The following DENND1A variants were observed in gnomAD, a reference collection of about 807,000 sequenced individuals.
The protein encoded by DENND1A is DENN domain containing 1A, also known as DENN domain-containing protein 1A.
Under a neutral mutation model 113.7 loss-of-function variants are expected in DENND1A, and 51 were observed. That is an observed-to-expected ratio of 0.45 (90% CI 0.36 to 0.57). DENND1A has a LOEUF of 0.57. Ranked by LOEUF, DENND1A falls within the 20% of genes least tolerant of loss-of-function variation. The pLI is 0.00. For synonymous variants in DENND1A, 565 were observed against 570.8 expected (o/e 0.99, Z 0.14); for missense variants, 1,258 against 1,395.9 (o/e 0.90, Z 1.57).
Position 123,652,066 on chromosome 9 carries a change from C to A in DENND1A, c.565G>T (p.Ala189Ser), listed in dbSNP as rs751933671. 2 of 1,613,928 alleles carry A rather than the reference C, an allele frequency of 1.2e-6. No individual in the cohort carries two copies. Among genetic ancestry groups the A allele is most frequent in the Non-Finnish European group, 1.7e-6 (2 of 1,180,010 alleles). The stretch of plus-strand genomic sequence containing the variant: ...ATCCGGCGTTCGTACAGCATACTGG[C>A]GTACAGATGCAACATGTTGTTAACA... ...VDVNNMLHLY[A>S]SMLYERRILI... The change falls in exon 9 of 24, where the codon GCC becomes TCC. Residue 189 changes from alanine to serine, a missense_variant. Physicochemically the swap from Ala to Ser is moderately conservative, Grantham distance 99. Coordinates refer to ENST00000394215, the MANE Select transcript of DENND1A (RefSeq NM_001352964.2).
At chr9:123,680,237 C>T (rs2064355939) in intron 5 of DENND1A, among the ~76,000 whole-genome samples, 1 of 152,224 alleles carries the variant, frequency 6.6e-6, no homozygotes, top group South Asian at 2.1e-4. Context: ...CCCTTCTCAC[C>T]CACTGTGGCT....
At chr9:123,724,513 A>G (rs2067560794) in intron 5 of DENND1A, among the ~76,000 whole-genome samples, 1 of 118,562 alleles carries the variant, frequency 8.4e-6, no homozygotes, top group African/African-American at 5.3e-5. Flanking sequence ...AGAGAAGCAT[A>G]AAATTAAAAA....
intron 13 of DENND1A, among the ~76,000 whole-genome samples, chr9:123,551,655 G>A (rs944008423): frequency 2.6e-5 from 4 of 152,198 alleles, no homozygotes; most frequent in Non-Finnish European, 4.4e-5. Context: ...CTGACCCTGT[G>A]GGAGGCCACT....
intron 2 of DENND1A, among the ~76,000 whole-genome samples, chr9:123,863,989 C>CA (rs760383280): frequency 0.047 from 6,381 of 134,632 alleles, 157 homozygotes; most frequent in African/African-American, 0.074. Context: ...TTGCTTCACT[C>CA]AAAAAAAAAA....
chr9:123,688,421 TAA>T (rs1476074029), intron 5 of DENND1A, among the ~76,000 whole-genome samples: 7 of 152,192 alleles, frequency 4.6e-5, no homozygotes, highest in Non-Finnish European at 1.0e-4. Flanking sequence ...CTAATATATA[TAA>T]GTCAGGCACT....
rs540098950 is a variant in DENND1A, at chr9:123,911,470, T to A, written c.17+18419A>T. Among the ~76,000 whole-genome samples the A allele has an allele frequency of 2.0e-5, 3 of 152,330 alleles. No individual in the cohort carries two copies. In the East Asian group the frequency reaches 5.8e-4, roughly 29 times the overall value. On this transcript the variant is annotated intron_variant, in intron 1 of 23. Coordinates refer to ENST00000394215, the MANE Select transcript of DENND1A (RefSeq NM_001352964.2). ...GTTAACTGTAAGACATCTATAAGAA[T>A]ATTCATAACAACTTTATTCATAATA...
intron 18 of DENND1A, among the ~76,000 whole-genome samples, chr9:123,442,971 G>C (rs1386824762): frequency 6.6e-6 from 1 of 152,160 alleles, no homozygotes; most frequent in Non-Finnish European, 1.5e-5. Flanking sequence ...GAGAGCACCT[G>C]CTAAAAAGAA....
chr9:123,786,110 G>A (rs937839526), intron 3 of DENND1A, among the ~76,000 whole-genome samples: 2 of 151,996 alleles, frequency 1.3e-5, no homozygotes, highest in African/African-American at 2.4e-5. Flanking sequence ...CTACTCGGGA[G>A]GCTGAGACAT....
intron 1 of DENND1A, among the ~76,000 whole-genome samples, chr9:123,881,513 A>G (rs1848311127): frequency 6.6e-6 from 1 of 152,244 alleles, no homozygotes; most frequent in Admixed American, 6.5e-5. Context: ...TTGGATTAAT[A>G]TAACAGCCTT....
At chr9:123,924,745 C>A (rs1401490445) in intron 1 of DENND1A, among the ~76,000 whole-genome samples, 2 of 151,910 alleles carry the variant, frequency 1.3e-5, no homozygotes, top group Admixed American at 1.3e-4. Flanking sequence ...AAACAGTTTT[C>A]AGATTACCAC....
intron 10 of DENND1A, among the ~76,000 whole-genome samples, chr9:123,610,234 G>A (rs2137746550): frequency 6.6e-6 from 1 of 152,306 alleles, no homozygotes; most frequent in South Asian, 2.1e-4. Context: ...GTGTGTATGT[G>A]TGTGTGTGTA....
At chr9:123,855,366 G>A (rs1478832535) in intron 2 of DENND1A, among the ~76,000 whole-genome samples, 1 of 147,240 alleles carries the variant, frequency 6.8e-6, no homozygotes, top group African/African-American at 2.7e-5. Context: ...TGGAGGATTA[G>A]AGAAGGCCTC....
At chr9:123,555,146 G>A (rs986970533) in intron 13 of DENND1A, among the ~76,000 whole-genome samples, 9 of 152,072 alleles carry the variant, frequency 5.9e-5, no homozygotes, top group East Asian at 1.9e-4. Context: ...GATCTATTGC[G>A]GAGTCTTGCT....
intron 9 of DENND1A, among the ~76,000 whole-genome samples, chr9:123,639,039 TAAAAAAAAAAAAAA>T (rs750972974): frequency 3.1e-5 from 1 of 32,122 alleles, no homozygotes; most frequent in Non-Finnish European, 5.6e-5. Context: ...GCATGAGTAG[TAAAAAAAAAAAAAA>T]AAAAAAAAAA....
At chr9:123,902,498 C>A (rs1377185099) in intron 1 of DENND1A, among the ~76,000 whole-genome samples, 1 of 152,154 alleles carries the variant, frequency 6.6e-6, no homozygotes, top group African/African-American at 2.4e-5. Flanking sequence ...CTGACCATCA[C>A]TCGCAAGCAC....
intron 12 of DENND1A, among the ~76,000 whole-genome samples, chr9:123,582,558 C>G (rs1001538755): frequency 6.6e-6 from 1 of 151,880 alleles, no homozygotes; most frequent in Non-Finnish European, 1.5e-5. Context: ...TGCCACCATG[C>G]TCAGTTAATT....
chr9:123,545,327 T>C (rs2056589892), intron 13 of DENND1A, among the ~76,000 whole-genome samples: 1 of 152,046 alleles, frequency 6.6e-6, no homozygotes, highest in African/African-American at 2.4e-5. Flanking sequence ...AAGATATATA[T>C]CCAAGAACTG....
At position 123,671,354 on chromosome 9, in the gene DENND1A, C is replaced by T. The variant is rs776131182; in HGVS notation, c.390G>A (p.Glu130=). 7 of 1,613,860 alleles carry T rather than the reference C, an allele frequency of 4.3e-6. No individual in the cohort carries two copies. Among genetic ancestry groups the T allele is most frequent in the Non-Finnish European group, 5.9e-6 (7 of 1,179,926 alleles). The part of the protein sequence containing the change: ...TTKRQENQWN[E]LLETLHKLPI... ...GAAGTTTGTGCAGAGTTTCAAGAAG[C>T]TCATTCCACTGATTTTCCTGAAAGA... The change falls in exon 7 of 24, where the codon GAG becomes GAA. Residue 130 remains glutamate, a synonymous_variant. Transcript: ENST00000394215.
At chr9:123,770,763 ATAAAT>A (rs1208672539) in intron 3 of DENND1A, among the ~76,000 whole-genome samples, 1 of 152,256 alleles carries the variant, frequency 6.6e-6, no homozygotes, top group South Asian at 2.1e-4. Context: ...AATCCAAGTG[ATAAAT>A]TAAAGATCAG....
Sources: allele counts gnomAD v4.1 joint callset (sites outside exome capture counted in the v4.1 genomes callset), GRCh38; gene constraint gnomAD v4.1.1; transcripts MANE v1.5; gene names NCBI Gene and HGNC (gene_info 2026-07-23, HGNC 2026-07-21).